The following SNTG1 variants were observed in gnomAD, a reference collection of about 807,000 sequenced individuals.
SNTG1 encodes the protein syntrophin gamma 1, also known as gamma-1-syntrophin.
A neutral mutation model predicts 74.7 loss-of-function variants in SNTG1; 39 were observed. The ratio of observed to expected loss-of-function variants is 0.52; its 90% CI spans 0.40 to 0.68. SNTG1 has a LOEUF of 0.68. Among genes scored for constraint, SNTG1 ranks in the 30% least tolerant of loss-of-function variants. The pLI, the probability that SNTG1 is intolerant of heterozygous loss-of-function variation, is 0.00. For synonymous variants in SNTG1, 254 were observed against 217.1 expected (o/e 1.17, Z -1.49); for missense variants, 685 against 609.5 (o/e 1.12, Z -1.30).
intron 9 of SNTG1, among the ~76,000 whole-genome samples, chr8:50,528,253 A>G (rs956454985): frequency 6.6e-6 from 1 of 151,962 alleles, no homozygotes; most frequent in African/African-American, 2.4e-5. Context: ...TTTTGTCATT[A>G]GTTAGGGTAT....
chr8:50,438,478 C>CA (rs1419342741), intron 4 of SNTG1, 65 bp from the exon 5 acceptor site: 6 of 1,439,966 alleles, frequency 4.2e-6, no homozygotes, highest in East Asian at 4.8e-5. Context: ...AAAAAAACAA[C>CA]AAAAAATGGT....
At position 50,650,416 on chromosome 8, in the gene SNTG1, A is replaced by G. The variant is rs534386932; in HGVS notation, c.850-6493A>G. Among the ~76,000 whole-genome samples, 464 of 152,248 alleles carry G rather than the reference A, an allele frequency of 3.0e-3. 3 individuals are homozygous for G. The highest frequency in any genetic ancestry group is 0.011 in the African/African-American group (447 of 41,562). ...AGGTGCTGTTCCTTTAGATTCATTC[A>G]CATTGTTCACTCATTCATGTAAAGT... On this transcript the variant is annotated intron_variant, in intron 13 of 18. Coordinates refer to ENST00000642720, the MANE Select transcript of SNTG1 (RefSeq NM_018967.5).
chr8:50,680,646 A>G (rs1360882262), intron 15 of SNTG1, among the ~76,000 whole-genome samples: 2 of 151,932 alleles, frequency 1.3e-5, no homozygotes, highest in East Asian at 3.9e-4. Context: ...TTCTACCAAC[A>G]CCCTTCGGAG....
intron 13 of SNTG1, among the ~76,000 whole-genome samples, chr8:50,623,873 A>G (rs1358991829): frequency 6.6e-6 from 1 of 151,192 alleles, no homozygotes; most frequent in Non-Finnish European, 1.5e-5. Context: ...TTTTGTTTTT[A>G]TTATCTCTTT....
chr8:50,230,654 A>G (rs913777009), intron 2 of SNTG1, among the ~76,000 whole-genome samples: 2 of 151,352 alleles, frequency 1.3e-5, no homozygotes, highest in African/African-American at 4.8e-5. Context: ...TGGGAAAATG[A>G]CAGTCTCTTT....
At chr8:50,520,152 C>G (rs2094167445) in intron 9 of SNTG1, among the ~76,000 whole-genome samples, 1 of 152,190 alleles carries the variant, frequency 6.6e-6, no homozygotes, top group South Asian at 2.1e-4. Flanking sequence ...CTACAACCAT[C>G]TGGTCTTTGA....
chr8:50,484,499 G>A (rs1033176025), intron 8 of SNTG1, among the ~76,000 whole-genome samples: 1 of 151,580 alleles, frequency 6.6e-6, no homozygotes, highest in Admixed American at 6.6e-5. Context: ...ACAGGCGTGA[G>A]CCTCCATGCC....
chr8:50,103,427 C>G (rs1375790277), intron 1 of SNTG1, among the ~76,000 whole-genome samples: 4 of 152,160 alleles, frequency 2.6e-5, no homozygotes, highest in Non-Finnish European at 5.9e-5. Context: ...TGAGATTTTG[C>G]TGAAGTTGCT....
chr8:50,424,667 T>G (rs1022398129), intron 4 of SNTG1, among the ~76,000 whole-genome samples: 6 of 152,180 alleles, frequency 3.9e-5, no homozygotes, highest in South Asian at 2.1e-4. Context: ...AGGAGAGAGA[T>G]AGATTTTTAA....
At chr8:50,148,555 C>T (rs2081953182) in intron 1 of SNTG1, among the ~76,000 whole-genome samples, 1 of 152,082 alleles carries the variant, frequency 6.6e-6, no homozygotes, top group African/African-American at 2.4e-5. Context: ...TTTCCCTCCC[C>T]CCAACCCAGA....
intron 2 of SNTG1, among the ~76,000 whole-genome samples, chr8:50,241,957 A>T (rs1249078271): frequency 6.6e-6 from 1 of 151,776 alleles, no homozygotes; most frequent in African/African-American, 2.4e-5. Context: ...TCACTTCTGG[A>T]GTGATGGGGG....
At chr8:50,770,565 C>A (rs1277162239) in intron 18 of SNTG1, among the ~76,000 whole-genome samples, 1 of 152,048 alleles carries the variant, frequency 6.6e-6, no homozygotes, top group Admixed American at 6.6e-5. Flanking sequence ...TCAAGAAGAT[C>A]ATAATCATCT....
chr8:50,504,535 T>C (rs2093990419), intron 9 of SNTG1, among the ~76,000 whole-genome samples: 1 of 152,148 alleles, frequency 6.6e-6, no homozygotes, highest in African/African-American at 2.4e-5. Context: ...CCCATGCGTG[T>C]AATCCCAGCA....
chr8:50,556,601 A>G lies in SNTG1; in HGVS notation c.810+3422A>G, dbSNP rs546768407. ...TATTTCCATGATCATTTCTTATTAAATAATTGAAGACTTTAAAATATGCAA... is the reference window on the plus strand; with the variant it reads ...TATTTCCATGATCATTTCTTATTAAGTAATTGAAGACTTTAAAATATGCAA... On this transcript the variant is annotated intron_variant, in intron 12 of 18. Transcript: ENST00000642720. Among the ~76,000 whole-genome samples, 3 of 152,360 alleles carry G rather than the reference A, an allele frequency of 2.0e-5. No individual in the cohort carries two copies. The South Asian group carries it at 6.2e-4, about 32-fold the overall frequency.
chr8:50,441,617 C>T (rs1313863913), intron 5 of SNTG1, among the ~76,000 whole-genome samples: 1 of 151,940 alleles, frequency 6.6e-6, no homozygotes, highest in Non-Finnish European at 1.5e-5. Context: ...TAAGTAAGTC[C>T]GAATCCTTTT....
At chr8:50,241,151 C>T (rs1367804924) in intron 2 of SNTG1, among the ~76,000 whole-genome samples, 1 of 152,198 alleles carries the variant, frequency 6.6e-6, no homozygotes, top group Non-Finnish European at 1.5e-5. Context: ...TACACTTATA[C>T]TTCCAGAGTT....
At chr8:50,039,328 G>A (rs1311727661) in intron 1 of SNTG1, among the ~76,000 whole-genome samples, 3 of 151,732 alleles carry the variant, frequency 2.0e-5, no homozygotes, top group East Asian at 3.9e-4. Flanking sequence ...GGTGGCGGGC[G>A]CCTGTAGTCC....
At chr8:50,227,434 A>G (rs1319480717) in intron 2 of SNTG1, among the ~76,000 whole-genome samples, 1 of 152,166 alleles carries the variant, frequency 6.6e-6, no homozygotes, top group Non-Finnish European at 1.5e-5. Context: ...CTACAAGGCA[A>G]AAGACCACTA....
At chr8:50,600,654 TA>T (rs1470423058) in intron 13 of SNTG1, among the ~76,000 whole-genome samples, 1 of 152,158 alleles carries the variant, frequency 6.6e-6, no homozygotes, top group Non-Finnish European at 1.5e-5. Flanking sequence ...AATTCATCTC[TA>T]ATTTTATTTA....
Sources: allele counts gnomAD v4.1 joint callset (sites outside exome capture counted in the v4.1 genomes callset), GRCh38; gene constraint gnomAD v4.1.1; transcripts MANE v1.5; gene names NCBI Gene and HGNC (gene_info 2026-07-23, HGNC 2026-07-21).